BICRAL: variants seen among roughly 807,000 people sequenced by gnomAD.
The protein encoded by BICRAL is BICRA like chromatin remodeling complex associated protein, also known as BRD4-interacting chromatin-remodeling complex-associated protein-like.
In BICRAL, 8 loss-of-function variants were observed where a neutral mutation model predicts 91.8. That is an observed-to-expected ratio of 0.09 (90% confidence interval 0.05 to 0.16). The LOEUF (loss-of-function observed/expected upper bound fraction) is 0.16. BICRAL is among the 10% of genes least tolerant of loss of function. BICRAL has a pLI of 1.00. For missense variants in BICRAL, 1,038 were observed against 1,310.9 expected, an observed-to-expected ratio of 0.79 and a Z score of 3.21; for synonymous variants, 445 against 491.1, an observed-to-expected ratio of 0.91 and a Z score of 1.24.
chr6:42,857,614 A>AAAAAAAAAAAATATATATATATAT, intron 10 of BICRAL, among the ~76,000 whole-genome samples: 1 of 96,240 alleles, frequency 1.0e-5, no homozygotes, highest in African/African-American at 6.5e-5. Flanking sequence ...AAAAAAAAAA[A>AAAAAAAAAAAATATATATATATAT]ATATATATAT....
At chr6:42,821,476 C>A (rs531170655) in intron 2 of BICRAL, among the ~76,000 whole-genome samples, 2 of 152,230 alleles carry the variant, frequency 1.3e-5, no homozygotes, top group African/African-American at 4.8e-5. Flanking sequence ...CCGGCCAGAG[C>A]CTGCAGAGAC....
chr6:42,766,260 G>C (rs1762630943), intron 1 of BICRAL, among the ~76,000 whole-genome samples: 1 of 151,892 alleles, frequency 6.6e-6, no homozygotes, highest in African/African-American at 2.4e-5. Flanking sequence ...GCCCAGAGCT[G>C]GGGCTTTTCC....
chr6:42,809,853 C>T (rs993626485), intron 1 of BICRAL, among the ~76,000 whole-genome samples: 2 of 152,078 alleles, frequency 1.3e-5, no homozygotes, highest in Non-Finnish European at 2.9e-5. Context: ...GTGGCATGAT[C>T]CTACCTCACT....
chr6:42,810,730 T>A (rs1763823971), intron 2 of BICRAL, among the ~76,000 whole-genome samples: 1 of 152,246 alleles, frequency 6.6e-6, no homozygotes, highest in Non-Finnish European at 1.5e-5. Flanking sequence ...ATTTATGTCA[T>A]ACTATTTTAT....
chr6:42,788,722 G>T (rs1477830063), intron 1 of BICRAL, among the ~76,000 whole-genome samples: 1 of 152,192 alleles, frequency 6.6e-6, no homozygotes, highest in Non-Finnish European at 1.5e-5. Flanking sequence ...AAACAAAGAA[G>T]GGGTAGTGGA....
At position 42,829,134 on chromosome 6, in the gene BICRAL, G is replaced by A. The variant is rs1325520004; in HGVS notation, c.801G>A (p.Gly267=). Residue 267 remains glycine (G), a synonymous_variant, in exon 6 of 13, where the codon GGG becomes GGA. Transcript: ENST00000314073. Reference sequence around the variant, plus strand: ...CTCCTAATGGCAACTCCTTGTTTGGGAACTCTAGTTCCAGTCCAGTAGCAC... The same window carrying A: ...CTCCTAATGGCAACTCCTTGTTTGGAAACTCTAGTTCCAGTCCAGTAGCAC... ...RQTPNGNSLF[G]NSSSSPVAQP... 1 of 1,613,924 alleles carries A rather than the reference G, an allele frequency of 6.2e-7. No individual in the cohort carries two copies. Among genetic ancestry groups the A allele is most frequent in the East Asian group, 2.2e-5 (1 of 44,894 alleles).
intron 6 of BICRAL, among the ~76,000 whole-genome samples, chr6:42,845,200 T>TTTTTTTTG (rs1764964215): frequency 7.4e-5 from 1 of 13,464 alleles, no homozygotes; most frequent in Non-Finnish European, 1.5e-4. Context: ...TGGGTGTTTT[T>TTTTTTTTG]TTTTTTTTTT....
chr6:42,788,926 T>A (rs953249743), intron 1 of BICRAL, among the ~76,000 whole-genome samples: 1 of 152,044 alleles, frequency 6.6e-6, no homozygotes, highest in Non-Finnish European at 1.5e-5. Context: ...TCAGCTGTTA[T>A]GAGGGCAGCG....
At chr6:42,816,205 TG>T (rs1350989507) in intron 2 of BICRAL, among the ~76,000 whole-genome samples, 1 of 135,862 alleles carries the variant, frequency 7.4e-6, no homozygotes, top group Non-Finnish European at 1.6e-5. Flanking sequence ...CAAAAAAAAA[TG>T]AAAAAAAAAA....
At chr6:42,755,384 C>A (rs547852285) in intron 1 of BICRAL, among the ~76,000 whole-genome samples, 23 of 152,296 alleles carry the variant, frequency 1.5e-4, no homozygotes, top group African/African-American at 3.1e-4. Flanking sequence ...TCTGAAGAGT[C>A]TGGGCTTGAC....
At chr6:42,781,977 C>G (rs1166835337), upstream of BICRAL, 1 of 145,946 alleles carries the variant, frequency 6.9e-6, no homozygotes, top group Non-Finnish European at 1.5e-5. Flanking sequence ...CGCGTGTGGC[C>G]GGCGCCGCTC....
At chr6:42,826,536 C>T (rs1273870388) in intron 5 of BICRAL, among the ~76,000 whole-genome samples, 1 of 151,650 alleles carries the variant, frequency 6.6e-6, no homozygotes, top group Non-Finnish European at 1.5e-5. Flanking sequence ...TGCCCAGCCT[C>T]CATGTTCTTA....
intron 1 of BICRAL, among the ~76,000 whole-genome samples, chr6:42,761,527 CT>C (rs1431500040): frequency 6.6e-6 from 1 of 152,196 alleles, no homozygotes; most frequent in African/African-American, 2.4e-5. Context: ...CCTCTCTGAG[CT>C]TGGTTTCTTT....
intron 1 of BICRAL, among the ~76,000 whole-genome samples, chr6:42,772,555 C>T (rs1354482232): frequency 1.3e-5 from 2 of 152,198 alleles, no homozygotes; most frequent in Admixed American, 6.6e-5. Flanking sequence ...GAGCCAATTA[C>T]CGAGCCACTT....
At chr6:42,784,821 T>C (rs1472644858) in intron 1 of BICRAL, among the ~76,000 whole-genome samples, 1 of 152,196 alleles carries the variant, frequency 6.6e-6, no homozygotes, top group East Asian at 1.9e-4. Context: ...CTGGGTCTTT[T>C]AATAATGTGT....
chr6:42,767,370 C>G lies in BICRAL; in HGVS notation c.-260-14469C>G, dbSNP rs887206324. On this transcript the variant is annotated intron_variant, in intron 1 of 14. Transcript: ENST00000614467. ...CATGTAAAAGTTTTTTTGTAAAAGG[C>G]TAGGCTGAGATTCATTCATTGCCTC... Among the ~76,000 whole-genome samples the G allele has an allele frequency of 2.6e-5, 4 of 151,994 alleles. No homozygotes were observed. In the East Asian group the frequency reaches 5.8e-4, roughly 22 times the overall value.
intron 1 of BICRAL, among the ~76,000 whole-genome samples, chr6:42,791,893 T>C (rs188422677): frequency 8.5e-5 from 13 of 152,336 alleles, no homozygotes; most frequent in Admixed American, 8.5e-4. Context: ...CAATATGGTA[T>C]AACCTACCAC....
intron 1 of BICRAL, among the ~76,000 whole-genome samples, chr6:42,784,788 C>T (rs1467490364): frequency 6.6e-6 from 1 of 152,170 alleles, no homozygotes; most frequent in Non-Finnish European, 1.5e-5. Context: ...ATCACCTCTT[C>T]CACCATCATT....
chr6:42,847,727 A>T (rs572298840), intron 6 of BICRAL, among the ~76,000 whole-genome samples: 2 of 152,302 alleles, frequency 1.3e-5, no homozygotes, highest in South Asian at 4.1e-4. Flanking sequence ...GTTCGAGACC[A>T]TCCTGACCAA....
Sources: allele counts gnomAD v4.1 joint callset (sites outside exome capture counted in the v4.1 genomes callset), GRCh38; gene constraint gnomAD v4.1.1; transcripts MANE v1.5; gene names NCBI Gene and HGNC (gene_info 2026-07-23, HGNC 2026-07-21).